SLC45A4: variants seen among roughly 807,000 people sequenced by gnomAD.
The protein encoded by SLC45A4 is polyamine-transporter SLC45A4.
Under a neutral mutation model 63.7 loss-of-function variants are expected in SLC45A4, and 32 were observed. The ratio of observed to expected loss-of-function variants is 0.50; its 90% CI spans 0.38 to 0.67. SLC45A4 has a LOEUF of 0.67. Among genes scored for constraint, SLC45A4 ranks in the 30% least tolerant of loss-of-function variants. The pLI, the probability that SLC45A4 is intolerant of heterozygous loss-of-function variation, is 0.00. For synonymous variants in SLC45A4, 535 were observed against 510.0 expected, an observed-to-expected ratio of 1.05 and a Z score of -0.66; for missense variants, 1,027 against 1,157.7, an observed-to-expected ratio of 0.89 and a Z score of 1.64.
intron 2 of SLC45A4, among the ~76,000 whole-genome samples, chr8:141,238,994 G>C (rs1055624228): frequency 1.3e-5 from 2 of 152,222 alleles, no homozygotes; most frequent in Non-Finnish European, 2.9e-5. Flanking sequence ...ATCCGAGTTA[G>C]TATAGGGAGG....
chr8:141,283,882 C>T (rs1358662543), intron 1 of SLC45A4, among the ~76,000 whole-genome samples: 1 of 152,192 alleles, frequency 6.6e-6, no homozygotes, highest in Non-Finnish European at 1.5e-5. Context: ...TTAGGGACAT[C>T]AAAGCCCAGC....
At chr8:141,248,323 A>C (rs1828310978) in intron 2 of SLC45A4, among the ~76,000 whole-genome samples, 1 of 152,222 alleles carries the variant, frequency 6.6e-6, no homozygotes, top group Non-Finnish European at 1.5e-5. Context: ...TAGCCCCAGC[A>C]CTCTGGGACT....
chr8:141,238,800 C>T (rs1211851088), intron 2 of SLC45A4, among the ~76,000 whole-genome samples: 1 of 152,186 alleles, frequency 6.6e-6, no homozygotes, highest in Non-Finnish European at 1.5e-5. Flanking sequence ...CCTGCACCCA[C>T]AGTACAGCTG....
intron 1 of SLC45A4, among the ~76,000 whole-genome samples, chr8:141,296,949 C>CA (rs1284785385): frequency 6.6e-6 from 1 of 151,906 alleles, no homozygotes; most frequent in Non-Finnish European, 1.5e-5. Flanking sequence ...CAGGAGACAC[C>CA]AACCTGCCTG....
intron 1 of SLC45A4, among the ~76,000 whole-genome samples, chr8:141,290,219 G>A (rs923027075): frequency 2.6e-5 from 4 of 151,894 alleles, no homozygotes; most frequent in South Asian, 2.1e-4. Context: ...TTTTAAGTGC[G>A]TGGTGCACAT....
intron 2 of SLC45A4, among the ~76,000 whole-genome samples, chr8:141,249,890 C>T (rs1828385804): frequency 6.6e-6 from 1 of 152,212 alleles, no homozygotes; most frequent in African/African-American, 2.4e-5. Context: ...CATTAAAGCC[C>T]TGTTCCTATA....
chr8:141,262,601 A>G (rs1380103310), intron 1 of SLC45A4, among the ~76,000 whole-genome samples: 20 of 150,590 alleles, frequency 1.3e-4, no homozygotes, highest in African/African-American at 4.4e-4. Context: ...GCAGCCAAAA[A>G]ACACATGAAA....
At chr8:141,292,902 C>T (rs897224447) in intron 1 of SLC45A4, 3 of 152,278 alleles carry the variant, frequency 2.0e-5, no homozygotes, top group African/African-American at 7.2e-5. Context: ...AGCCTTGAAG[C>T]TGGCTCTAAA....
chr8:141,241,454 G>A (rs2369481), intron 2 of SLC45A4, among the ~76,000 whole-genome samples: 20,093 of 152,204 alleles, frequency 0.13, 1,660 homozygotes, highest in East Asian at 0.28. Flanking sequence ...CGGAAACCTC[G>A]CTGTCTGCCC....
In SLC45A4 at chr8:141,294,254, C is replaced by T. The variant is rs143265238; in HGVS notation, c.-401+13842G>A. 1.3e-3 allele frequency among the ~76,000 whole-genome samples: 191 copies of T among 152,290 alleles called. 1 individual carries two copies. The highest frequency in any genetic ancestry group is 4.5e-3 in the African/African-American group (187 of 41,558). On this transcript the variant is annotated intron_variant, in intron 1 of 8. Coordinates refer to ENST00000517878, the MANE Select transcript of SLC45A4 (RefSeq NM_001286646.2). ...ATGTGCCACCTGAGAAAACCCACAG[C>T]GACTGGTCAGGGTGGCTGGACAGAA...
rs572000541 is a variant in SLC45A4, at chr8:141,232,000, T to C, written c.242-10235A>G. ...GTCACGTAGCACTGCCCAGGCCCAG[T>C]GAAAATGGCAGGAACAGTACATTCC... is the stretch of plus-strand genomic sequence containing the variant. On this transcript the variant is annotated intron_variant, in intron 2 of 8. Coordinates refer to ENST00000517878, the MANE Select transcript of SLC45A4 (RefSeq NM_001286646.2). Among the ~76,000 whole-genome samples the C allele has an allele frequency of 4.6e-5, 7 of 152,328 alleles. No individual in the cohort carries two copies. The South Asian group carries it at 1.2e-3, about 27-fold the overall frequency.
At chr8:141,283,892 C>T (rs1830049200) in intron 1 of SLC45A4, among the ~76,000 whole-genome samples, 2 of 152,206 alleles carry the variant, frequency 1.3e-5, no homozygotes, top group Admixed American at 6.5e-5. Flanking sequence ...CAAAGCCCAG[C>T]TCTGCACATG....
intron 2 of SLC45A4, among the ~76,000 whole-genome samples, chr8:141,239,122 G>A (rs1198114868): frequency 6.6e-6 from 1 of 152,184 alleles, no homozygotes; most frequent in African/African-American, 2.4e-5. Flanking sequence ...GTCCCCAGAT[G>A]CTTGCTGTGA....
chr8:141,295,893 T>C (rs1484143272), intron 1 of SLC45A4, among the ~76,000 whole-genome samples: 3 of 152,234 alleles, frequency 2.0e-5, no homozygotes, highest in African/African-American at 7.2e-5. Flanking sequence ...TCCCTGGCTT[T>C]GGTGCTGGAG....
At chr8:141,294,588 C>T (rs548477897) in intron 1 of SLC45A4, among the ~76,000 whole-genome samples, 2 of 152,350 alleles carry the variant, frequency 1.3e-5, no homozygotes, top group South Asian at 4.1e-4. Flanking sequence ...TCCCTGTGAG[C>T]AGTGGAACTG....
intron 2 of SLC45A4, among the ~76,000 whole-genome samples, chr8:141,240,078 A>G (rs1827834642): frequency 6.6e-6 from 1 of 152,260 alleles, no homozygotes; most frequent in Non-Finnish European, 1.5e-5. Context: ...TGAAGAATGG[A>G]AAGTCTGGTG....
chr8:141,250,272 A>G (rs1417941016), intron 2 of SLC45A4, among the ~76,000 whole-genome samples: 2 of 152,220 alleles, frequency 1.3e-5, no homozygotes, highest in African/African-American at 4.8e-5. Flanking sequence ...CCATATCTTG[A>G]GTCCTCATAC....
rs539950465 is a variant in SLC45A4 at position 141,252,321 on chromosome 8, C to T, written c.241+1668G>A. The T allele has an allele frequency of 1.6e-3, 252 of 156,206 alleles. 2 individuals are homozygous for T. The highest frequency in any genetic ancestry group is 7.5e-3 in the Admixed American group (115 of 15,324). The allele number at this position is 156,206 out of a possible 1,614,324, so 9.7% of individuals were successfully genotyped here. ...GCCCGGTAATCTGGAAGAGACACCA[C>T]ATCTTGCCCATGCGAGCCTGGTCAT... On this transcript the variant is annotated intron_variant, in intron 2 of 8. Coordinates refer to ENST00000517878, the MANE Select transcript of SLC45A4 (RefSeq NM_001286646.2).
chr8:141,254,005 T>C lies in SLC45A4; in HGVS notation c.225A>G (p.Pro75=). ...CYAMETALVT[P]ILLQIGLPEQ... is the part of the protein sequence containing the mutation. ...GAGACTTACCAATCTGCAACAGTAT[T>C]GGTGTGACCAGAGCGGTTTCCATGG... Residue 75 remains proline, a synonymous_variant, in exon 2 of 9, where the codon CCA becomes CCG. Transcript: ENST00000517878. This position sits in a 1 kb window ranked among gnomAD's most constrained non-coding sequence, Gnocchi z 4.5. 6.5e-7 allele frequency: 1 copy of C among 1,536,156 alleles called. No homozygotes were observed. The highest frequency in any genetic ancestry group is 8.7e-7 in the Non-Finnish European group (1 of 1,146,914).
Sources: allele counts gnomAD v4.1 joint callset (sites outside exome capture counted in the v4.1 genomes callset), GRCh38; gene constraint gnomAD v4.1.1; non-coding constraint Gnocchi (gnomAD v3.1); transcripts MANE v1.5; gene names NCBI Gene and HGNC (gene_info 2026-07-23, HGNC 2026-07-21).